KLHL40: variants seen among roughly 807,000 people sequenced by gnomAD.
The protein encoded by KLHL40 is kelch-like protein 40.
KLHL40 carries 44 observed loss-of-function variants against 49.7 expected under a neutral mutation model. The ratio of observed to expected loss-of-function variants is 0.89; its 90% CI spans 0.70 to 1.14. The LOEUF (loss-of-function observed/expected upper bound fraction) is 1.14. Ranked by LOEUF, KLHL40 falls within the 50% of genes most tolerant of loss-of-function variation. KLHL40 has a pLI of 0.00. For synonymous variants in KLHL40, 409 were observed against 365.2 expected, an observed-to-expected ratio of 1.12 and a Z score of -1.37; for missense variants, 892 against 850.3, an observed-to-expected ratio of 1.05 and a Z score of -0.61.
chr3:42,685,912 G>A lies in KLHL40; in HGVS notation c.294G>A (p.Glu98=), dbSNP rs776832912. The A allele has an allele frequency of 6.2e-7, 1 of 1,611,868 alleles. No homozygotes were observed. The highest frequency in any genetic ancestry group is 8.5e-7 in the Non-Finnish European group (1 of 1,180,002). ...ACACATCAGAGATCGCGCTGGATGA[G>A]GCGAGCGTGCAGGATTTGTTCGCCG... The part of the protein sequence containing the change: ...YLYTSEIALD[E]ASVQDLFAAA... Residue 98 remains glutamate (E), a synonymous_variant, in exon 1 of 6, where the codon GAG becomes GAA. Transcript: ENST00000287777.
rs1451898847 is a variant in KLHL40, at chr3:42,686,142, A to T, written c.524A>T (p.Asp175Val). 24 of 1,596,940 alleles carry T rather than the reference A, an allele frequency of 1.5e-5. No homozygotes were observed. The highest frequency in any genetic ancestry group is 2.0e-5 in the Non-Finnish European group (24 of 1,177,182). ...RDADFLGLSA[D>V]ELIAIISSDG... ...GCTGACTTCCTCGGACTCTCGGCCGACGAGCTCATCGCCATCATCTCCAGC... is the reference window on the plus strand; with the variant it reads ...GCTGACTTCCTCGGACTCTCGGCCGTCGAGCTCATCGCCATCATCTCCAGC... Residue 175 changes from aspartate (D) to valine (V), a missense_variant, in exon 1 of 6, where the codon GAC becomes GTC. By Grantham distance (152) the Asp-to-Val change is radical. Transcript: ENST00000287777.
rs1047751743 is a variant in KLHL40 at position 42,688,533 on chromosome 3, G to A, written c.1314-77G>A. The A allele has an allele frequency of 8.8e-7, 1 of 1,133,834 alleles. No individual in the cohort carries two copies. The highest frequency in any genetic ancestry group is 1.5e-5 in the African/African-American group (1 of 65,334). The allele number at this position is 1,133,834 out of a possible 1,614,324, so 70.2% of individuals were successfully genotyped here. A position where few individuals can be genotyped will look rare whatever the true frequency, so the allele number is the denominator to read the frequency against. On this transcript the variant is annotated intron_variant, in intron 2 of 5. Coordinates refer to ENST00000287777, the MANE Select transcript of KLHL40 (RefSeq NM_152393.4). The surrounding 1 kb of genome is among the most constrained non-coding windows in gnomAD (Gnocchi z 4.2). ...TCTCGAATATGTGTTAGGTGGATGG[G>A]CGGATGGGTGCAGAGACAGGGACTG...
At position 42,688,406 on chromosome 3, in the gene KLHL40, C is replaced by A; in HGVS notation, c.1313+104C>A. ...TGGGATTTGGAGCTAGAGCCTTGTG[C>A]TTAGAGTGAAGGTGGGCTTGGGTAA... On this transcript the variant is annotated intron_variant, in intron 2 of 5. Transcript: ENST00000287777. The surrounding 1 kb of genome is among the most constrained non-coding windows in gnomAD (Gnocchi z 4.2). 9.4e-7 allele frequency: 1 copy of A among 1,065,928 alleles called. No individual in the cohort carries two copies. The highest frequency in any genetic ancestry group is 1.4e-6 in the Non-Finnish European group (1 of 737,782). 66.0% of individuals were successfully genotyped at this position (1,065,928 alleles called of 1,614,324 possible). A position where few individuals can be genotyped will look rare whatever the true frequency, so the allele number is the denominator to read the frequency against.
chr3:42,686,219 T>A lies in KLHL40; in HGVS notation c.601T>A (p.Trp201Arg). ...GGCAGTGTTCGAGGCGGTGATGCGG[T>A]GGGCGGGTAGCGGCGACGCCGAGGC... ...EEAVFEAVMR[W>R]AGSGDAEAQA... The change falls in exon 1 of 6, where the codon TGG (tryptophan) becomes AGG (arginine). Residue 201 changes from tryptophan (W) to arginine (R), a missense_variant. Trp to Arg is a moderately radical substitution (Grantham distance 101, BLOSUM62 -3). Coordinates refer to ENST00000287777, the MANE Select transcript of KLHL40 (RefSeq NM_152393.4). 1 of 1,560,808 alleles carries A rather than the reference T, an allele frequency of 6.4e-7. No individual in the cohort carries two copies. The highest frequency in any genetic ancestry group is 8.7e-7 in the Non-Finnish European group (1 of 1,155,576).
At position 42,686,471 on chromosome 3, in the gene KLHL40, A is replaced by G. The variant is rs1440006933; in HGVS notation, c.853A>G (p.Lys285Glu). The change falls in exon 1 of 6, where the codon AAG becomes GAG. Residue 285 changes from lysine (K) to glutamate (E), a missense_variant. Physicochemically the swap from Lys to Glu is moderately conservative, Grantham distance 56. Transcript: ENST00000287777. ...KDGAGAKEAD[K>E]GTSKAKAEED... ...TGGAGCCGGGGCCAAGGAGGCTGAT[A>G]AGGGCACAAGCAAAGCCAAAGCAGA... The G allele has an allele frequency of 3.1e-6, 5 of 1,613,922 alleles. No individual in the cohort carries two copies. In the South Asian group the frequency reaches 5.5e-5, roughly 18 times the overall value.
chr3:42,687,382 A>G (rs1697289796), intron 1 of KLHL40, among the ~76,000 whole-genome samples: 1 of 152,158 alleles, frequency 6.6e-6, no homozygotes, highest in African/African-American at 2.4e-5. Context: ...AGCAAGGGAT[A>G]GAACTGGGGC....
At position 42,686,705 on chromosome 3, in the gene KLHL40, G is replaced by A. The variant is rs368731768; in HGVS notation, c.1087G>A (p.Val363Met). 8.7e-6 allele frequency: 14 copies of A among 1,613,410 alleles called. No homozygotes were observed. The African/African-American group carries it at 1.3e-4, about 15-fold the overall frequency. Residue 363 changes from valine (V) to methionine (M), a missense_variant, in exon 1 of 6, where the codon GTG (valine) becomes ATG (methionine). Coordinates refer to ENST00000287777, the MANE Select transcript of KLHL40 (RefSeq NM_152393.4). The part of the protein sequence containing the change: ...SLVTKENQVF[V>M]AGGLFYNEDN... ...GGTTACCAAGGAGAACCAGGTCTTC[G>A]TGGCTGGAGGCCTCTTCTACAACGA...
rs750457560 is a variant in KLHL40, at chr3:42,686,466, CTGA to C, written c.850_852del (p.Asp284del). 3 of 1,613,982 alleles carry C rather than the reference CTGA, an allele frequency of 1.9e-6. No individual in the cohort carries two copies. Among genetic ancestry groups the C allele is most frequent in the Admixed American group, 3.3e-5 (2 of 60,020 alleles). On this transcript the variant is annotated inframe_deletion, in exon 1 of 6. Transcript: ENST00000287777. ...AAGGATGGAGCCGGGGCCAAGGAGG[CTGA>C]TAAGGGCACAAGCAAAGCCAAAGCA...
rs773559255 is a variant in KLHL40 at position 42,686,053 on chromosome 3, C to T, written c.435C>T (p.Cys145=). The T allele has an allele frequency of 4.4e-6, 7 of 1,606,382 alleles. No homozygotes were observed. In the South Asian group the frequency reaches 5.5e-5, roughly 13 times the overall value. The change falls in exon 1 of 6, where the codon TGC becomes TGT. Residue 145 remains cysteine, a synonymous_variant. Transcript: ENST00000287777. ...AVFRLGLLLD[C]ARLAVAARDF... ...TCCGTCTCGGCCTCCTGCTCGACTG[C>T]GCGCGTCTCGCCGTGGCTGCCCGCG...
chr3:42,689,218 G>A (rs895063918), intron 4 of KLHL40, among the ~76,000 whole-genome samples, 164 bp downstream of exon 4: 1 of 152,182 alleles, frequency 6.6e-6, no homozygotes, highest in African/African-American at 2.4e-5. Context: ...GGGAGGCGGG[G>A]CAAGGGTTAT....
chr3:42,690,247 C>T (rs1697341546), intron 4 of KLHL40, among the ~76,000 whole-genome samples: 1 of 152,122 alleles, frequency 6.6e-6, no homozygotes, highest in Non-Finnish European at 1.5e-5. Context: ...GAGGCAGCTG[C>T]ATTATCCAGG....
intron 5 of KLHL40, among the ~76,000 whole-genome samples, chr3:42,691,610 T>G (rs1697370381): frequency 6.6e-6 from 1 of 152,020 alleles, no homozygotes; most frequent in African/African-American, 2.4e-5. Context: ...GTGGGCAGTG[T>G]AGACCTTCCT....
chr3:42,689,867 A>G (rs1697334036), intron 4 of KLHL40, among the ~76,000 whole-genome samples: 2 of 152,188 alleles, frequency 1.3e-5, no homozygotes, highest in African/African-American at 4.8e-5. Flanking sequence ...CTGCATTTCT[A>G]ACGCACCCCC....
intron 4 of KLHL40, 48 bp from the exon 5 acceptor site, chr3:42,690,811 T>A (rs1003955831): frequency 1.3e-6 from 2 of 1,544,022 alleles, no homozygotes; most frequent in African/African-American, 2.7e-5. Context: ...GGACAGTCAC[T>A]GGGCTTGCCG....
Position 42,686,790 on chromosome 3 carries a change from A to G in KLHL40, c.1152+20A>G. 1 of 1,584,810 alleles carries G rather than the reference A, an allele frequency of 6.3e-7. No individual in the cohort carries two copies. The highest frequency in any genetic ancestry group is 8.6e-7 in the Non-Finnish European group (1 of 1,165,986). ...CTGCAGGTGCCTGACCAGCCTTGGG[A>G]GCCGCCAGCTAATGCTGGGCTCTAG... On this transcript the variant is annotated intron_variant, in intron 1 of 5. Coordinates refer to ENST00000287777, the MANE Select transcript of KLHL40 (RefSeq NM_152393.4).
chr3:42,686,527 T>C lies in KLHL40; in HGVS notation c.909T>C (p.Pro303=), dbSNP rs1163757023. 3 of 1,614,144 alleles carry C rather than the reference T, an allele frequency of 1.9e-6. No homozygotes were observed. Among genetic ancestry groups the C allele is most frequent in the Admixed American group, 1.7e-5 (1 of 60,022 alleles). ...EEDEEAERIL[P]GILNDTLRFG... Reference sequence around the variant, plus strand: ...ATGAGGAGGCCGAACGTATCCTTCCTGGGATCCTCAATGACACCCTGCGCT... The same window carrying C: ...ATGAGGAGGCCGAACGTATCCTTCCCGGGATCCTCAATGACACCCTGCGCT... The change falls in exon 1 of 6, where the codon CCT becomes CCC. Residue 303 remains proline (P), a synonymous_variant. Coordinates refer to ENST00000287777, the MANE Select transcript of KLHL40 (RefSeq NM_152393.4).
chr3:42,685,768 G>C lies in KLHL40; in HGVS notation c.150G>C (p.Val50=). ...GEREFPCHRL[V]LAACSPYFRA... ...GCGAGTTCCCGTGCCATCGCCTGGT[G>C]CTGGCCGCCTGCAGCCCCTACTTCC... is the stretch of plus-strand genomic sequence containing the variant. The change falls in exon 1 of 6, where the codon GTG becomes GTC. Residue 50 remains valine (V), a synonymous_variant. Transcript: ENST00000287777. The C allele has an allele frequency of 6.2e-7, 1 of 1,612,250 alleles. No individual in the cohort carries two copies. The highest frequency in any genetic ancestry group is 8.5e-7 in the Non-Finnish European group (1 of 1,179,616).
chr3:42,690,626 C>A (rs1697348124), intron 4 of KLHL40, among the ~76,000 whole-genome samples: 1 of 151,770 alleles, frequency 6.6e-6, no homozygotes, highest in African/African-American at 2.4e-5. Context: ...GTGGACTTTG[C>A]TGGACAGGTT....
In KLHL40 at chr3:42,692,470, T is replaced by G; in HGVS notation, c.*477T>G. The G allele has an allele frequency of 2.0e-6, 1 of 495,302 alleles. No homozygotes were observed. The allele number at this position is 495,302 out of a possible 1,614,324, so 30.7% of individuals were successfully genotyped here. A position where few individuals can be genotyped will look rare whatever the true frequency, so the allele number is the denominator to read the frequency against. ...TGCTCCAAGAGTCAGTGAGCAGGTGTGTTGAAGACTTGGGGCTTCAGTGTT... is the reference window on the plus strand; with the variant it reads ...TGCTCCAAGAGTCAGTGAGCAGGTGGGTTGAAGACTTGGGGCTTCAGTGTT... On this transcript the variant is annotated 3_prime_UTR_variant, in exon 6 of 6. Transcript: ENST00000287777.
Sources: allele counts gnomAD v4.1 joint callset (sites outside exome capture counted in the v4.1 genomes callset), GRCh38; gene constraint gnomAD v4.1.1; non-coding constraint Gnocchi (gnomAD v3.1); transcripts MANE v1.5; gene names NCBI Gene and HGNC (gene_info 2026-07-23, HGNC 2026-07-21).